The following PTCHD4 variants were observed in gnomAD, a reference collection of about 807,000 sequenced individuals.
The protein encoded by PTCHD4 is patched domain containing 4, also known as patched domain-containing protein 4.
PTCHD4 carries 33 observed loss-of-function variants against 58.1 expected under a neutral mutation model. The observed-to-expected ratio is 0.57, with a 90% confidence interval of 0.43 to 0.76. The LOEUF is 0.76. Among genes scored for constraint, PTCHD4 ranks in the 30% least tolerant of loss-of-function variants. The pLI is 0.00. For missense variants in PTCHD4, 1,058 were observed against 1,027.1 expected, an observed-to-expected ratio of 1.03 and a Z score of -0.41; for synonymous variants, 478 against 409.6, an observed-to-expected ratio of 1.17 and a Z score of -2.02.
intron 4 of PTCHD4, among the ~76,000 whole-genome samples, chr6:48,007,651 T>C (rs1762493632): frequency 6.6e-6 from 1 of 152,194 alleles, no homozygotes; most frequent in South Asian, 2.1e-4. Context: ...ACCTAATTAG[T>C]TCACCAGCAG....
intron 3 of PTCHD4, among the ~76,000 whole-genome samples, chr6:48,031,586 T>C (rs1763442143): frequency 6.6e-6 from 1 of 152,034 alleles, no homozygotes; most frequent in Admixed American, 6.6e-5. Flanking sequence ...GAGTGAAGAA[T>C]GTGAGAATAG....
intron 1 of PTCHD4, among the ~76,000 whole-genome samples, chr6:48,077,614 A>G (rs1388320391): frequency 6.6e-6 from 1 of 152,208 alleles, no homozygotes; most frequent in African/African-American, 2.4e-5. Context: ...TGCCTTTCAA[A>G]CTAAGCTTAA....
intron 4 of PTCHD4, among the ~76,000 whole-genome samples, chr6:47,928,586 T>C (rs1765704909): frequency 6.6e-6 from 1 of 152,246 alleles, no homozygotes; most frequent in African/African-American, 2.4e-5. Flanking sequence ...ATAATGTTAC[T>C]TCCTTATGTA....
At chr6:48,007,934 GCGCACA>G (rs762595077) in intron 4 of PTCHD4, among the ~76,000 whole-genome samples, 205 of 53,020 alleles carry the variant, frequency 3.9e-3, no homozygotes, top group African/African-American at 0.015. Flanking sequence ...ATGTGCGCGC[GCGCACA>G]CACACACACA....
intron 4 of PTCHD4, among the ~76,000 whole-genome samples, chr6:47,917,541 C>T (rs1044170297): frequency 6.6e-6 from 1 of 152,094 alleles, no homozygotes; most frequent in Non-Finnish European, 1.5e-5. Context: ...TTTAGGTATC[C>T]CATAACCCTT....
At chr6:48,065,281 C>A (rs889897715) in intron 3 of PTCHD4, among the ~76,000 whole-genome samples, 2 of 152,102 alleles carry the variant, frequency 1.3e-5, no homozygotes, top group Non-Finnish European at 2.9e-5. Flanking sequence ...ATGCATCCAC[C>A]GCTATTTATT....
At position 48,002,196 on chromosome 6, in the gene PTCHD4, G is replaced by A. The variant is rs577160338; in HGVS notation, c.898+6438C>T. 6.2e-4 allele frequency among the ~76,000 whole-genome samples: 95 copies of A among 152,174 alleles called. 2 individuals carry two copies. In the South Asian group the frequency reaches 0.012, roughly 19 times the overall value. The stretch of plus-strand genomic sequence containing the variant: ...AACTAGTTCAACCATTGTGGAAGTC[G>A]GTGTGGCGATTCCTCAGGGATCTAG... On this transcript the variant is annotated intron_variant, in intron 4 of 4. Coordinates refer to ENST00000339488, the MANE Select transcript of PTCHD4 (RefSeq NM_001384253.1).
intron 4 of PTCHD4, among the ~76,000 whole-genome samples, chr6:47,991,907 A>G (rs558587988): frequency 2.0e-5 from 3 of 152,104 alleles, no homozygotes; most frequent in Non-Finnish European, 4.4e-5. Context: ...AAGAACAATA[A>G]TAACATATAG....
At position 47,866,103 on chromosome 6, in the gene PTCHD4, T is replaced by C. The variant is rs1341412375; in HGVS notation, c.*12200A>G. On this transcript the variant is annotated 3_prime_UTR_variant, in exon 5 of 5. Coordinates refer to ENST00000339488, the MANE Select transcript of PTCHD4 (RefSeq NM_001384253.1). ...TCTACTAGAAATCATCTCTCTACCC[T>C]CTGGATATCTCCTTTTGGACTCTGT... Among the ~76,000 whole-genome samples the C allele has an allele frequency of 6.6e-6, 1 of 151,896 alleles. No homozygotes were observed. Among genetic ancestry groups the C allele is most frequent in the Non-Finnish European group, 1.5e-5 (1 of 67,896 alleles).
At chr6:48,107,615 T>C (rs1765760732) in intron 1 of PTCHD4, among the ~76,000 whole-genome samples, 1 of 151,964 alleles carries the variant, frequency 6.6e-6, no homozygotes, top group Non-Finnish European at 1.5e-5. Context: ...CTAATTAAAC[T>C]AAAGAGCTTC....
intron 4 of PTCHD4, among the ~76,000 whole-genome samples, chr6:47,972,814 GT>G (rs1767566459): frequency 1.3e-5 from 2 of 151,718 alleles, no homozygotes; most frequent in East Asian, 3.9e-4. Flanking sequence ...TTTTACACTT[GT>G]CTTTTTACTT....
chr6:48,063,088 A>T (rs1455722290), intron 3 of PTCHD4, among the ~76,000 whole-genome samples: 1 of 151,942 alleles, frequency 6.6e-6, no homozygotes, highest in Non-Finnish European at 1.5e-5. Context: ...TTTTTTTTTC[A>T]GGCCATTTGA....
At chr6:47,932,402 T>A (rs1460344606) in intron 4 of PTCHD4, among the ~76,000 whole-genome samples, 1 of 152,046 alleles carries the variant, frequency 6.6e-6, no homozygotes, top group Non-Finnish European at 1.5e-5. Flanking sequence ...AAAAATTAGG[T>A]TTGGAGCTTC....
chr6:47,948,154 T>G (rs1018828252), intron 4 of PTCHD4, among the ~76,000 whole-genome samples: 8 of 152,186 alleles, frequency 5.3e-5, no homozygotes, highest in African/African-American at 1.7e-4. Flanking sequence ...CACATTGTTG[T>G]CAGTGGATTG....
intron 4 of PTCHD4, among the ~76,000 whole-genome samples, chr6:47,910,408 T>G (rs1470026419): frequency 6.6e-6 from 1 of 152,134 alleles, no homozygotes; most frequent in Non-Finnish European, 1.5e-5. Context: ...TTTGCATATT[T>G]CTGTTCATAA....
intron 1 of PTCHD4, among the ~76,000 whole-genome samples, chr6:48,090,981 C>G (rs1765355676): frequency 6.6e-6 from 1 of 152,060 alleles, no homozygotes; most frequent in Non-Finnish European, 1.5e-5. Context: ...ATCGCTTTTT[C>G]TATTAAATTT....
At chr6:47,914,507 A>T (rs962084525) in intron 4 of PTCHD4, among the ~76,000 whole-genome samples, 12 of 152,016 alleles carry the variant, frequency 7.9e-5, no homozygotes, top group African/African-American at 2.4e-4. Context: ...CTTGGACTTG[A>T]ACTTACACCA....
chr6:48,107,342 C>A (rs934494866), intron 1 of PTCHD4, among the ~76,000 whole-genome samples: 36 of 152,112 alleles, frequency 2.4e-4, no homozygotes, highest in African/African-American at 8.2e-4. Flanking sequence ...CAAAAACAAG[C>A]AATGGGGAAA....
intron 1 of PTCHD4, among the ~76,000 whole-genome samples, chr6:48,107,886 C>G (rs1236991780): frequency 6.6e-6 from 1 of 152,192 alleles, no homozygotes; most frequent in Non-Finnish European, 1.5e-5. Flanking sequence ...AAATACAAAT[C>G]AAAACCACAA....
Sources: gnomAD v4.1 joint callset for allele counts (sites outside exome capture counted in the v4.1 genomes callset) on GRCh38, gnomAD v4.1.1 for gene constraint, MANE v1.5 for transcripts, NCBI Gene and HGNC (gene_info 2026-07-23, HGNC 2026-07-21) for gene names.